Variants in TSPAN2 observed in about 807,000 individuals in gnomAD.
TSPAN2 encodes tetraspanin-2.
TSPAN2 carries 24 observed loss-of-function variants against 33.3 expected under a neutral mutation model. That is an observed-to-expected ratio of 0.72 (90% confidence interval 0.52 to 1.01). The LOEUF is 1.01. Among genes scored for constraint, TSPAN2 ranks in the 50% least tolerant of loss-of-function variants. The pLI is 0.00. For missense variants in TSPAN2, 278 were observed against 281.3 expected (o/e 0.99, Z 0.08); for synonymous variants, 114 against 104.5 (o/e 1.09, Z -0.56).
chr1:115,077,055 G>A (rs1294632309), intron 1 of TSPAN2, among the ~76,000 whole-genome samples: 1 of 151,988 alleles, frequency 6.6e-6, no homozygotes, highest in African/African-American at 2.4e-5. Flanking sequence ...AAGTAGCTGG[G>A]AATACAGGCA....
At position 115,048,455 on chromosome 1, in the gene TSPAN2, A is replaced by G. The variant is rs1314587367; in HGVS notation, c.*2035T>C. 6.6e-6 allele frequency: 1 copy of G among 151,896 alleles called. No individual in the cohort carries two copies. Among genetic ancestry groups the G allele is most frequent in the Non-Finnish European group, 1.5e-5 (1 of 67,880 alleles). 9.4% of individuals were successfully genotyped at this position (151,896 alleles called of 1,614,324 possible). ...GCTTATCTCCAAAAGGGGCACATTA[A>G]TCGTACATGGAACAGAACCCTTCTC... On this transcript the variant is annotated 3_prime_UTR_variant, in exon 8 of 8. Transcript: ENST00000369516.
At chr1:115,079,628 T>A in intron 1 of TSPAN2, among the ~76,000 whole-genome samples, 1 of 152,362 alleles carries the variant, frequency 6.6e-6, no homozygotes, top group African/African-American at 2.4e-5. Flanking sequence ...GAATGCCATA[T>A]GACATCTATG....
rs1647468640 is a variant in TSPAN2 at position 115,057,300 on chromosome 1, C to A, written c.516+237G>T. On this transcript the variant is annotated intron_variant, in intron 6 of 7. Transcript: ENST00000369516. ...ATTCTCCTCTCTTCTCTGGTCACCA[C>A]TCCTGTAGTTGTCACTTTCTAAAGG... Among the ~76,000 whole-genome samples the A allele has an allele frequency of 2.0e-5, 3 of 152,248 alleles. No homozygotes were observed. In the South Asian group the frequency reaches 6.2e-4, roughly 32 times the overall value.
chr1:115,087,711 G>A (rs1648898330), intron 1 of TSPAN2, among the ~76,000 whole-genome samples: 1 of 151,868 alleles, frequency 6.6e-6, no homozygotes, highest in Non-Finnish European at 1.5e-5. Context: ...ACCAATTTGA[G>A]CCTGTTTCCT....
chr1:115,080,346 T>G (rs1648579134), intron 1 of TSPAN2, among the ~76,000 whole-genome samples: 1 of 152,142 alleles, frequency 6.6e-6, no homozygotes, highest in Non-Finnish European at 1.5e-5. Context: ...TGCAGTGGCC[T>G]GATCACAGCT....
At chr1:115,079,503 CAA>C (rs1648543147) in intron 1 of TSPAN2, among the ~76,000 whole-genome samples, 1 of 152,098 alleles carries the variant, frequency 6.6e-6, no homozygotes, top group Admixed American at 6.5e-5. Context: ...TGAATTTTCT[CAA>C]AGAGGAAAAC....
At chr1:115,055,405 C>CA (rs139581914) in intron 6 of TSPAN2, among the ~76,000 whole-genome samples, 53,105 of 151,758 alleles carry the variant, frequency 0.35, 9,608 homozygotes, top group South Asian at 0.51. Flanking sequence ...CTTACACACA[C>CA]AAACACACCT....
At chr1:115,079,617 T>C (rs1182615863) in intron 1 of TSPAN2, among the ~76,000 whole-genome samples, 3 of 152,162 alleles carry the variant, frequency 2.0e-5, no homozygotes, top group Non-Finnish European at 2.9e-5. Flanking sequence ...ATACAAGAAT[T>C]GAATGCCATA....
chr1:115,081,846 G>C (rs779249327), intron 1 of TSPAN2, among the ~76,000 whole-genome samples: 1 of 151,782 alleles, frequency 6.6e-6, no homozygotes, highest in East Asian at 1.9e-4. Context: ...GTTTGCTGCA[G>C]CCGTCCTCTA....
chr1:115,066,922 G>A (rs981412730), intron 2 of TSPAN2, among the ~76,000 whole-genome samples: 4 of 152,188 alleles, frequency 2.6e-5, no homozygotes, highest in Admixed American at 6.5e-5. Context: ...AGTCAGGATA[G>A]TGCTCAAAAG....
At chr1:115,051,123 A>C (rs1675303622) in intron 7 of TSPAN2, among the ~76,000 whole-genome samples, 1 of 152,024 alleles carries the variant, frequency 6.6e-6, no homozygotes, top group South Asian at 2.1e-4. Context: ...CAGCCTGGGA[A>C]ACATGGTGAA....
At chr1:115,070,425 T>C (rs1648122719) in intron 2 of TSPAN2, among the ~76,000 whole-genome samples, 2 of 149,662 alleles carry the variant, frequency 1.3e-5, no homozygotes, top group Admixed American at 1.3e-4. Context: ...ACTTCTGCCA[T>C]AATAATCTCT....
At chr1:115,072,867 T>C in intron 2 of TSPAN2, 38 bp downstream of exon 2, 2 of 1,527,990 alleles carry the variant, frequency 1.3e-6, no homozygotes, top group Non-Finnish European at 1.8e-6. Context: ...CAGCCCCATC[T>C]ACTCTGAGCT....
At position 115,048,095 on chromosome 1, in the gene TSPAN2, A is replaced by G. The variant is rs919310763; in HGVS notation, c.*2395T>C. On this transcript the variant is annotated 3_prime_UTR_variant, in exon 8 of 8. Transcript: ENST00000369516. ...TTAATTCAGTGCCTTGGCATGAGACATTTAAAAGCATGTTTGGGTCTAATC... is the reference window on the plus strand; with the variant it reads ...TTAATTCAGTGCCTTGGCATGAGACGTTTAAAAGCATGTTTGGGTCTAATC... 1.3e-5 allele frequency: 2 copies of G among 151,940 alleles called. No homozygotes were observed. Among genetic ancestry groups the G allele is most frequent in the South Asian group, 2.1e-4 (1 of 4,824 alleles). The allele number at this position is 151,940 out of a possible 1,614,324, so 9.4% of individuals were successfully genotyped here.
intron 2 of TSPAN2, among the ~76,000 whole-genome samples, chr1:115,072,137 C>T (rs1048718281): frequency 2.6e-5 from 4 of 152,098 alleles, no homozygotes; most frequent in African/African-American, 9.7e-5. Flanking sequence ...ACAGGAAATG[C>T]TAGAATTAGG....
rs185114079 is a variant in TSPAN2 at position 115,084,282 on chromosome 1, T to C, written c.69+5082A>G. ...AAGTTCACAGATATTAGTAGTTTAT[T>C]ATGTCCATTATACAGATGAGAAAAT... On this transcript the variant is annotated intron_variant, in intron 1 of 7. Transcript: ENST00000369516. Among the ~76,000 whole-genome samples, 4 of 152,364 alleles carry C rather than the reference T, an allele frequency of 2.6e-5. No homozygotes were observed. In the East Asian group the frequency reaches 7.7e-4, roughly 29 times the overall value.
chr1:115,068,794 G>A (rs1648046824), intron 2 of TSPAN2, among the ~76,000 whole-genome samples: 1 of 152,192 alleles, frequency 6.6e-6, no homozygotes, highest in Non-Finnish European at 1.5e-5. Flanking sequence ...CTACAAACAT[G>A]TCTATTGTCT....
chr1:115,055,520 A>G (rs1037133738), intron 6 of TSPAN2, among the ~76,000 whole-genome samples: 6 of 151,632 alleles, frequency 4.0e-5, no homozygotes, highest in African/African-American at 7.3e-5. Context: ...AATCATGATT[A>G]TGATGATTAT....
intron 2 of TSPAN2, among the ~76,000 whole-genome samples, chr1:115,071,448 G>A (rs1036062890): frequency 6.6e-6 from 1 of 152,190 alleles, no homozygotes; most frequent in African/African-American, 2.4e-5. Context: ...ACAGCAGAGA[G>A]GGGGAAAGAA....
Sources: allele counts gnomAD v4.1 joint callset (sites outside exome capture counted in the v4.1 genomes callset), GRCh38; gene constraint gnomAD v4.1.1; transcripts MANE v1.5; gene names NCBI Gene and HGNC (gene_info 2026-07-23, HGNC 2026-07-21).